IGFL2: variants seen among roughly 807,000 people sequenced by gnomAD.
IGFL2 encodes insulin growth factor-like family member 2.
A neutral mutation model predicts 13.9 loss-of-function variants in IGFL2; 7 were observed. The ratio of observed to expected loss-of-function variants is 0.51; its 90% CI spans 0.29 to 0.95. The LOEUF (loss-of-function observed/expected upper bound fraction) is 0.95. Ranked by LOEUF, IGFL2 falls within the 40% of genes least tolerant of loss-of-function variation. IGFL2 has a pLI of 0.08. For synonymous variants in IGFL2, 55 were observed against 55.8 expected, an observed-to-expected ratio of 0.99 and a Z score of 0.07; for missense variants, 138 against 147.8, an observed-to-expected ratio of 0.93 and a Z score of 0.34.
At chr19:46,112,102 T>C in the IGFL2 span, 1 of 152,240 alleles carries the variant, frequency 6.6e-6, no homozygotes, top group Non-Finnish European at 1.5e-5. Context: ...TGAAGAATTA[T>C]CCCTGAGATG....
chr19:46,128,281 A>G, the IGFL2 span, among the ~76,000 whole-genome samples: 149 of 152,330 alleles, frequency 9.8e-4, 1 homozygote, highest in African/African-American at 3.5e-3. Flanking sequence ...GGATCATGTC[A>G]TCTGCAAACA....
the IGFL2 span, among the ~76,000 whole-genome samples, chr19:46,130,083 C>T: frequency 3.5e-5 from 2 of 56,512 alleles, no homozygotes; most frequent in African/African-American, 7.2e-5. Flanking sequence ...GTTAGGCCTT[C>T]TTGTTGAATT....
At chr19:46,124,317 A>G in the IGFL2 span, 13 of 1,609,914 alleles carry the variant, frequency 8.1e-6, no homozygotes, top group Admixed American at 1.7e-5. Flanking sequence ...TCCAGCAGAC[A>G]AGAGCTAAGG....
At chr19:46,080,171 A>G in the IGFL2 span, among the ~76,000 whole-genome samples, 1 of 152,230 alleles carries the variant, frequency 6.6e-6, no homozygotes, top group African/African-American at 2.4e-5. Context: ...TTTATTAAAT[A>G]AAATGACCAA....
chr19:46,189,417 C>G, the IGFL2 span, among the ~76,000 whole-genome samples: 3 of 152,136 alleles, frequency 2.0e-5, no homozygotes, highest in African/African-American at 7.2e-5. Context: ...TGGATAACTG[C>G]GGGCAGGCCT....
chr19:46,126,644 C>T, the IGFL2 span, among the ~76,000 whole-genome samples: 2 of 152,206 alleles, frequency 1.3e-5, no homozygotes, highest in African/African-American at 4.8e-5. Flanking sequence ...GCATGTGCTT[C>T]ATTAACAGTA....
the IGFL2 span, among the ~76,000 whole-genome samples, chr19:46,104,553 G>A: frequency 6.6e-6 from 1 of 152,136 alleles, no homozygotes; most frequent in Non-Finnish European, 1.5e-5. Flanking sequence ...AGATCCTGTG[G>A]GAAAGGCCTC....
chr19:46,196,593 G>A, the IGFL2 span, among the ~76,000 whole-genome samples: 3 of 152,168 alleles, frequency 2.0e-5, no homozygotes, highest in Admixed American at 1.3e-4. Context: ...TGAGCCTCCA[G>A]CTCTGAACTC....
At chr19:46,107,726 C>T in the IGFL2 span, among the ~76,000 whole-genome samples, 28 of 151,170 alleles carry the variant, frequency 1.9e-4, no homozygotes, top group African/African-American at 5.4e-4. Flanking sequence ...GTTTGAGGGC[C>T]GGAATCTAAT....
At chr19:46,079,479 C>CTAAAG in the IGFL2 span, among the ~76,000 whole-genome samples, 1 of 152,180 alleles carries the variant, frequency 6.6e-6, no homozygotes, top group Non-Finnish European at 1.5e-5. Context: ...GGATTGGAGC[C>CTAAAG]TGTTTGCACC....
chr19:46,154,118 G>A (rs1973674119), intron 1 of IGFL2, among the ~76,000 whole-genome samples: 1 of 152,096 alleles, frequency 6.6e-6, no homozygotes, highest in African/African-American at 2.4e-5. Context: ...TTAGTTTGCT[G>A]AGGATGATGG....
intron 1 of IGFL2, 98 bp from the exon 2 acceptor site, chr19:46,160,317 T>G (rs960628886): frequency 9.6e-7 from 1 of 1,041,832 alleles, no homozygotes; most frequent in African/African-American, 1.6e-5. Context: ...AGAGCTAATC[T>G]GGAACTAAGC....
downstream of IGFL2, chr19:46,164,470 A>G (rs1446588323): frequency 6.6e-6 from 1 of 152,298 alleles, no homozygotes. Context: ...GTTCCATCCC[A>G]GGGAGAATTC....
chr19:46,164,085 G>A (rs1357997451), downstream of IGFL2: 3 of 152,304 alleles, frequency 2.0e-5, no homozygotes, highest in African/African-American at 7.2e-5. Context: ...TGCTGTGCTG[G>A]GGGTCCATGT....
the IGFL2 span, chr19:46,212,737 C>CTCT: frequency 6.8e-6 from 1 of 147,712 alleles, no homozygotes; most frequent in Non-Finnish European, 1.5e-5. Context: ...CTCTCTCTCT[C>CTCT]CTCTCACTGT....
chr19:46,168,754 C>T, the IGFL2 span, among the ~76,000 whole-genome samples: 1 of 152,174 alleles, frequency 6.6e-6, no homozygotes, highest in South Asian at 2.1e-4. Context: ...TCCCAGGTTG[C>T]AGTTCTCAAG....
the IGFL2 span, among the ~76,000 whole-genome samples, chr19:46,130,079 CCTT>C: frequency 0.42 from 63,019 of 151,690 alleles, 15,392 homozygotes; most frequent in Non-Finnish European, 0.57. Flanking sequence ...GATAGTTAGG[CCTT>C]CTTGTTGAAT....
the IGFL2 span, among the ~76,000 whole-genome samples, chr19:46,201,223 T>C: frequency 6.6e-6 from 1 of 152,216 alleles, no homozygotes; most frequent in African/African-American, 2.4e-5. Context: ...ACAAGAGAGA[T>C]ACAGGGATGT....
chr19:46,138,445 G>A (rs1972702775), upstream of IGFL2, among the ~76,000 whole-genome samples: 1 of 152,154 alleles, frequency 6.6e-6, no homozygotes, highest in Non-Finnish European at 1.5e-5. Context: ...TCCAACGTGG[G>A]GTGTTGACAA....
Sources: gnomAD v4.1 joint callset for allele counts (sites outside exome capture counted in the v4.1 genomes callset) on GRCh38, gnomAD v4.1.1 for gene constraint, MANE v1.5 for transcripts, NCBI Gene and HGNC (gene_info 2026-07-23, HGNC 2026-07-21) for gene names.